BRD10: variants seen among roughly 807,000 people sequenced by gnomAD.
BRD10 encodes the protein bromodomain containing 10.
At chr9:5,997,857 T>C in the BRD10 span, among the ~76,000 whole-genome samples, 2 of 152,094 alleles carry the variant, frequency 1.3e-5, no homozygotes, top group Non-Finnish European at 2.9e-5. Context: ...TGAGCTTACA[T>C]GGATAGCAAA....
the BRD10 span, among the ~76,000 whole-genome samples, chr9:5,978,385 A>C: frequency 6.6e-6 from 1 of 150,922 alleles, no homozygotes; most frequent in East Asian, 1.9e-4. Flanking sequence ...AAGACATTGC[A>C]ATTTAGTAAA....
the BRD10 span, among the ~76,000 whole-genome samples, chr9:5,901,599 A>G: frequency 1.3e-5 from 2 of 151,836 alleles, no homozygotes; most frequent in African/African-American, 4.8e-5. Context: ...GCTTACTGTA[A>G]CCTTCACCTC....
At chr9:5,924,629 T>C in the BRD10 span, 1 of 1,389,334 alleles carries the variant, frequency 7.2e-7, no homozygotes, top group Non-Finnish European at 9.6e-7. Context: ...GCCTTCAGTG[T>C]TGACTTAAAA....
the BRD10 span, among the ~76,000 whole-genome samples, chr9:5,929,979 C>G: frequency 2.6e-5 from 4 of 152,100 alleles, no homozygotes; most frequent in Non-Finnish European, 5.9e-5. Context: ...CAATCTGACA[C>G]AGGCTATAGA....
chr9:6,007,521 G>A, the BRD10 span: 1 of 1,613,060 alleles, frequency 6.2e-7, no homozygotes, highest in South Asian at 1.1e-5. Flanking sequence ...TCTCCTGCAG[G>A]AACTCGCCCA....
the BRD10 span, among the ~76,000 whole-genome samples, chr9:5,961,267 G>A: frequency 2.6e-5 from 4 of 152,150 alleles, no homozygotes; most frequent in Non-Finnish European, 5.9e-5. Flanking sequence ...CTATAAGCAT[G>A]AACAGCAAGG....
the BRD10 span, chr9:5,954,013 T>C: frequency 1.3e-6 from 2 of 1,536,166 alleles, no homozygotes; most frequent in Non-Finnish European, 1.8e-6. Flanking sequence ...TTGAAACATT[T>C]ACCTGAAACT....
chr9:5,925,117 G>C, the BRD10 span, among the ~76,000 whole-genome samples: 1 of 152,070 alleles, frequency 6.6e-6, no homozygotes, highest in Admixed American at 6.6e-5. Flanking sequence ...CCAGCACTTT[G>C]GGAGGCCGAG....
the BRD10 span, chr9:6,008,285 G>C: frequency 4.1e-6 from 4 of 984,776 alleles, no homozygotes; most frequent in Non-Finnish European, 4.8e-6. Context: ...CTCTACCTGC[G>C]GGGGACACGG....
the BRD10 span, among the ~76,000 whole-genome samples, chr9:5,917,553 G>A: frequency 5.3e-5 from 8 of 152,350 alleles, no homozygotes; most frequent in African/African-American, 1.9e-4. Context: ...AGATTTAGTG[G>A]CTGGGTGCAG....
the BRD10 span, among the ~76,000 whole-genome samples, chr9:5,976,157 C>T: frequency 3.9e-5 from 6 of 152,092 alleles, no homozygotes; most frequent in African/African-American, 1.4e-4. Flanking sequence ...TTTTAGTAGC[C>T]TTAAAGATAC....
chr9:5,893,198 C>T, the BRD10 span, among the ~76,000 whole-genome samples: 1 of 152,174 alleles, frequency 6.6e-6, no homozygotes, highest in East Asian at 1.9e-4. Context: ...AGATTAATTT[C>T]AGCAAATGTA....
chr9:5,975,116 G>C, the BRD10 span, among the ~76,000 whole-genome samples: 1 of 152,010 alleles, frequency 6.6e-6, no homozygotes, highest in Non-Finnish European at 1.5e-5. Context: ...AATCAAAACT[G>C]ACCCAGAAAT....
chr9:5,963,593 A>G, the BRD10 span, among the ~76,000 whole-genome samples: 14 of 151,384 alleles, frequency 9.2e-5, no homozygotes, highest in Admixed American at 7.3e-4. Context: ...AGCCTGCATC[A>G]CCAAGTCAAT....
At chr9:5,996,307 GTT>G in the BRD10 span, among the ~76,000 whole-genome samples, 7,776 of 149,678 alleles carry the variant, frequency 0.052, 229 homozygotes, top group Middle Eastern at 0.078. Context: ...ATGTAACTTG[GTT>G]TTTTTTTTTG....
At chr9:5,923,591 T>C in the BRD10 span, among the ~76,000 whole-genome samples, 1 of 152,208 alleles carries the variant, frequency 6.6e-6, no homozygotes, top group South Asian at 2.1e-4. Flanking sequence ...TCTGCCAGTG[T>C]AAGTGCAAAA....
the BRD10 span, chr9:6,008,043 C>T: frequency 1.5e-5 from 17 of 1,143,128 alleles, no homozygotes; most frequent in African/African-American, 3.2e-5. Context: ...CCCTCCCCCC[C>T]GGCGGCGGCG....
At chr9:5,981,622 TTCTATCTA>T in the BRD10 span, among the ~76,000 whole-genome samples, 4 of 150,776 alleles carry the variant, frequency 2.7e-5, no homozygotes, top group African/African-American at 9.7e-5. Flanking sequence ...TGTATCTATC[TTCTATCTA>T]TCTATCTATC....
At chr9:5,969,187 T>G in the BRD10 span, 1 of 1,613,816 alleles carries the variant, frequency 6.2e-7, no homozygotes, top group Middle Eastern at 1.6e-4. Flanking sequence ...GAGGACTTAA[T>G]AGAGAAGTCA....
Sources: allele counts gnomAD v4.1 joint callset (sites outside exome capture counted in the v4.1 genomes callset), GRCh38; gene constraint gnomAD v4.1.1; transcripts MANE v1.5; gene names NCBI Gene and HGNC (gene_info 2026-07-23, HGNC 2026-07-21).